The following ELMO1 variants were observed in gnomAD, a reference collection of about 807,000 sequenced individuals.
The protein encoded by ELMO1 is engulfment and cell motility protein 1.
Under a neutral mutation model 98.9 loss-of-function variants are expected in ELMO1, and 26 were observed. The ratio of observed to expected loss-of-function variants is 0.26; its 90% CI spans 0.19 to 0.36. ELMO1 has a LOEUF of 0.36. ELMO1 is among the 10% of genes least tolerant of loss of function. The pLI is 1.00. For missense variants in ELMO1, 627 were observed against 935.2 expected (o/e 0.67, Z 4.30); for synonymous variants, 346 against 346.0 (o/e 1.00, Z 0.00).
intron 13 of ELMO1, among the ~76,000 whole-genome samples, chr7:37,149,846 C>T (rs1788241399): frequency 6.6e-6 from 1 of 152,124 alleles, no homozygotes. Flanking sequence ...TATTTTGCTC[C>T]CTGAACAACA....
chr7:36,939,173 T>G (rs1182700166), intron 16 of ELMO1, among the ~76,000 whole-genome samples: 1 of 150,864 alleles, frequency 6.6e-6, no homozygotes, highest in Non-Finnish European at 1.5e-5. Context: ...GAAATGAGTT[T>G]TTTTTTTTTT....
At chr7:36,987,064 T>C (rs1196062957) in intron 16 of ELMO1, among the ~76,000 whole-genome samples, 1 of 152,202 alleles carries the variant, frequency 6.6e-6, no homozygotes, top group African/African-American at 2.4e-5. Flanking sequence ...ACCTTTGGAA[T>C]GAAGCGATTA....
At chr7:37,226,176 G>A (rs1056417043) in intron 8 of ELMO1, among the ~76,000 whole-genome samples, 2 of 152,148 alleles carry the variant, frequency 1.3e-5, no homozygotes, top group East Asian at 1.9e-4. Context: ...CTGGATCTCA[G>A]GGGTGGGAAA....
intron 5 of ELMO1, among the ~76,000 whole-genome samples, chr7:37,263,899 T>C (rs961686553): frequency 3.9e-5 from 6 of 152,142 alleles, no homozygotes; most frequent in Non-Finnish European, 8.8e-5. Flanking sequence ...CCTGAATGGA[T>C]GCATGTAAAT....
chr7:37,033,239 G>A, intron 15 of ELMO1: 1 of 377,584 alleles, frequency 2.6e-6, no homozygotes. Flanking sequence ...AGCAGGAGGA[G>A]CGCAGACGGG....
At chr7:37,186,665 C>A (rs976347211) in intron 13 of ELMO1, among the ~76,000 whole-genome samples, 2 of 152,094 alleles carry the variant, frequency 1.3e-5, no homozygotes, top group African/African-American at 2.4e-5. Context: ...ACAGACATTT[C>A]CCCAAAGAAG....
At chr7:37,141,308 T>C (rs894399227) in intron 13 of ELMO1, among the ~76,000 whole-genome samples, 2 of 152,172 alleles carry the variant, frequency 1.3e-5, no homozygotes, top group Non-Finnish European at 2.9e-5. Flanking sequence ...CATCGTATGT[T>C]CTCACTCATG....
intron 16 of ELMO1, among the ~76,000 whole-genome samples, chr7:37,005,692 CAAA>C (rs71553094): frequency 0.1 from 3,860 of 36,948 alleles, 86 homozygotes; most frequent in African/African-American, 0.23. Flanking sequence ...GACTCTGTCT[CAAA>C]AAAAAAAAAA....
chr7:37,241,106 G>A (rs905371998), intron 7 of ELMO1, among the ~76,000 whole-genome samples: 1 of 152,030 alleles, frequency 6.6e-6, no homozygotes, highest in African/African-American at 2.4e-5. Context: ...TTAGTAGTCA[G>A]TGTTTGCTTC....
chr7:37,280,607 A>G (rs913226533), intron 4 of ELMO1, among the ~76,000 whole-genome samples: 11 of 152,228 alleles, frequency 7.2e-5, no homozygotes, highest in Non-Finnish European at 1.6e-4. Context: ...AATGCTCAAC[A>G]TCCCTAATGA....
At chr7:36,986,974 AAC>A (rs1207698121) in intron 16 of ELMO1, among the ~76,000 whole-genome samples, 1 of 152,200 alleles carries the variant, frequency 6.6e-6, no homozygotes, top group Admixed American at 6.5e-5. Context: ...TTTGTTGCCT[AAC>A]AGCCCTGAGA....
intron 1 of ELMO1, among the ~76,000 whole-genome samples, chr7:37,373,333 A>G (rs1167171303): frequency 6.6e-6 from 1 of 152,182 alleles, no homozygotes; most frequent in Non-Finnish European, 1.5e-5. Flanking sequence ...GTGGCCAGGC[A>G]TGGTGGCTCA....
chr7:36,943,584 T>A (rs558830881), intron 16 of ELMO1, among the ~76,000 whole-genome samples: 2 of 152,244 alleles, frequency 1.3e-5, no homozygotes, highest in Non-Finnish European at 1.5e-5. Context: ...CATAGAACCA[T>A]GTACAACTGC....
intron 15 of ELMO1, among the ~76,000 whole-genome samples, chr7:37,070,498 G>C (rs191619591): frequency 8.0e-4 from 122 of 151,932 alleles, no homozygotes; most frequent in African/African-American, 2.6e-3. Flanking sequence ...TTTGTGAACT[G>C]TGTGTGTGTG....
chr7:37,123,516 T>TGC, intron 14 of ELMO1, among the ~76,000 whole-genome samples: 4 of 151,986 alleles, frequency 2.6e-5, no homozygotes, highest in African/African-American at 9.7e-5. Context: ...CACCTCTACA[T>TGC]AAATAAACTA....
intron 16 of ELMO1, among the ~76,000 whole-genome samples, chr7:36,935,980 GC>G (rs772600915): frequency 2.0e-5 from 3 of 152,052 alleles, no homozygotes; most frequent in Admixed American, 6.5e-5. Context: ...ACCTAAGATT[GC>G]CCCCTCCTCC....
chr7:36,871,962 A>G (rs1584281326), intron 19 of ELMO1, among the ~76,000 whole-genome samples: 1 of 152,142 alleles, frequency 6.6e-6, no homozygotes, highest in Non-Finnish European at 1.5e-5. Context: ...GAATCTCTGT[A>G]GGTTCCCCTG....
chr7:37,315,844 A>G (rs1799125134), intron 3 of ELMO1, 76 bp downstream of exon 3: 1 of 1,297,134 alleles, frequency 7.7e-7, no homozygotes, highest in Non-Finnish European at 1.1e-6. Context: ...ATATTTTACT[A>G]TCCTACTGGA....
intron 4 of ELMO1, among the ~76,000 whole-genome samples, chr7:37,283,102 T>C (rs1485058434): frequency 7.2e-5 from 11 of 152,082 alleles, no homozygotes; most frequent in Admixed American, 7.2e-4. Flanking sequence ...CAGACAGAGA[T>C]GGGTAGACAG....
Sources: gnomAD v4.1 joint callset for allele counts (sites outside exome capture counted in the v4.1 genomes callset) on GRCh38, gnomAD v4.1.1 for gene constraint, MANE v1.5 for transcripts, NCBI Gene and HGNC (gene_info 2026-07-23, HGNC 2026-07-21) for gene names.